The following ARFGEF1 variants were observed in gnomAD, a reference collection of about 807,000 sequenced individuals.
The protein encoded by ARFGEF1 is brefeldin A-inhibited guanine nucleotide-exchange protein 1.
ARFGEF1 carries 42 observed loss-of-function variants against 231.0 expected under a neutral mutation model. The ratio of observed to expected loss-of-function variants is 0.18; its 90% CI spans 0.14 to 0.24. The LOEUF (loss-of-function observed/expected upper bound fraction) is 0.24. ARFGEF1 is among the 10% of genes least tolerant of loss of function. ARFGEF1 has a pLI of 1.00. For missense variants in ARFGEF1, 1,345 were observed against 2,192.0 expected (o/e 0.61, Z 7.72); for synonymous variants, 710 against 732.3 (o/e 0.97, Z 0.49).
chr8:67,292,933 T>C (rs1806073692), intron 5 of ARFGEF1, among the ~76,000 whole-genome samples: 1 of 152,080 alleles, frequency 6.6e-6, no homozygotes, highest in Non-Finnish European at 1.5e-5. Flanking sequence ...CCAGGTTAGG[T>C]GGAAATGCCA....
At chr8:67,222,257 ATGTATGTATGTAT>A (rs1839219568) in intron 29 of ARFGEF1, among the ~76,000 whole-genome samples, 1 of 138,496 alleles carries the variant, frequency 7.2e-6, no homozygotes, top group Non-Finnish European at 1.5e-5. Flanking sequence ...GTATGTATGT[ATGTATGTATGTAT>A]TTTTTTTTTT....
chr8:67,190,985 G>GTT (rs1386173806), intron 5 of ARFGEF1, among the ~76,000 whole-genome samples: 2 of 152,186 alleles, frequency 1.3e-5, no homozygotes, highest in Non-Finnish European at 2.9e-5. Context: ...TGGGGTGGCT[G>GTT]TAAGTAGCTC....
chr8:67,274,002 A>G (rs1248793330), intron 9 of ARFGEF1, among the ~76,000 whole-genome samples: 6 of 152,200 alleles, frequency 3.9e-5, no homozygotes, highest in Non-Finnish European at 8.8e-5. Context: ...ATTTAACAAA[A>G]TATCTTGTAC....
intron 33 of ARFGEF1, 67 bp downstream of exon 33, chr8:67,216,523 T>C (rs1236577380): frequency 8.0e-6 from 11 of 1,376,240 alleles, no homozygotes; most frequent in Admixed American, 2.3e-5. Context: ...ATGTAAGAAT[T>C]TGACCCATAA....
In ARFGEF1 at chr8:67,271,695, A is replaced by C; in HGVS notation, c.1572+7T>G. On this transcript the variant is annotated splice_region_variant and intron_variant, in intron 10 of 38. Transcript: ENST00000262215. ...ATAGTAACATTATGCCTAAATGCAA[A>C]ACGTACCTCAATTTGCATCTTCAGA... The C allele has an allele frequency of 3.8e-6, 6 of 1,588,974 alleles. No homozygotes were observed. The highest frequency in any genetic ancestry group is 4.3e-6 in the Non-Finnish European group (5 of 1,160,622).
chr8:67,301,232 A>C lies in ARFGEF1; in HGVS notation c.304T>G (p.Cys102Gly). 6.2e-7 allele frequency: 1 copy of C among 1,604,876 alleles called. No homozygotes were observed. The highest frequency in any genetic ancestry group is 8.5e-7 in the Non-Finnish European group (1 of 1,177,128). The change falls in exon 3 of 39, where the codon TGC (cysteine) becomes GGC (glycine). Residue 102 changes from cysteine (C) to glycine (G), a missense_variant. By Grantham distance (159) the Cys-to-Gly change is radical (BLOSUM62 -3). This residue lies in a region of ARFGEF1 where 398 missense variants were observed against 463.2 expected (regional missense o/e 0.86). Coordinates refer to ENST00000262215, the MANE Select transcript of ARFGEF1 (RefSeq NM_006421.5). ...TGCCATTTTAGACATACCTGTAAGC[A>C]ATCTAGAGATGTACTAACTATGCGA... ...CPRIVSTSLD[C>G]LQKLIAYGHL...
chr8:67,331,594 T>C (rs1436949812), intron 1 of ARFGEF1, among the ~76,000 whole-genome samples: 1 of 152,188 alleles, frequency 6.6e-6, no homozygotes, highest in Non-Finnish European at 1.5e-5. Flanking sequence ...TCTGTTATAG[T>C]AGCTTAAACA....
In ARFGEF1 at chr8:67,259,887, T is replaced by C; in HGVS notation, c.2163A>G (p.Gln721=). Residue 721 remains glutamine, a synonymous_variant, in exon 15 of 39, where the codon CAA becomes CAG. Coordinates refer to ENST00000262215, the MANE Select transcript of ARFGEF1 (RefSeq NM_006421.5). ...KKPKRGIQYL[Q]EQGMLGTTPE... is the part of the protein sequence containing the mutation. ...GTGTGGTGCCAAGCATCCCTTGTTC[T>C]TGGAGGTACTGTATTCCTCTCTTTG... 1 of 1,612,822 alleles carries C rather than the reference T, an allele frequency of 6.2e-7. No homozygotes were observed. The highest frequency in any genetic ancestry group is 8.5e-7 in the Non-Finnish European group (1 of 1,179,244).
At chr8:67,271,155 C>T (rs1805082435) in intron 10 of ARFGEF1, among the ~76,000 whole-genome samples, 1 of 150,376 alleles carries the variant, frequency 6.6e-6, no homozygotes, top group South Asian at 2.1e-4. Flanking sequence ...TTTAGGACCA[C>T]ATGATTGCTA....
At chr8:67,311,266 C>T (rs1415321018) in intron 1 of ARFGEF1, among the ~76,000 whole-genome samples, 65 of 134,944 alleles carry the variant, frequency 4.8e-4, no homozygotes, top group African/African-American at 1.6e-3. Context: ...CCCGGCCAGC[C>T]GCCCCGTCCG....
At chr8:67,240,845 T>C (rs1336211937) in intron 19 of ARFGEF1, among the ~76,000 whole-genome samples, 3 of 152,218 alleles carry the variant, frequency 2.0e-5, no homozygotes, top group South Asian at 2.1e-4. Flanking sequence ...TTCCTCATTA[T>C]ACACTGTGGA....
In ARFGEF1 at chr8:67,222,190, T is replaced by TATATATACACAC. The variant is rs1554636815; in HGVS notation, c.4209-2631_4209-2630insGTGTGTATATAT. On this transcript the variant is annotated intron_variant, in intron 29 of 38. Coordinates refer to ENST00000262215, the MANE Select transcript of ARFGEF1 (RefSeq NM_006421.5). ...ATATATATATATATACACATATATA[T>TATATATACACAC]ATATATATATATATACACACACATA... Among the ~76,000 whole-genome samples the TATATATACACAC allele has an allele frequency of 3.6e-4, 48 of 134,930 alleles. 1 individual carries two copies. Among genetic ancestry groups the TATATATACACAC allele is most frequent in the Non-Finnish European group, 7.6e-5 (5 of 65,716 alleles). The allele number at this position is 134,930 out of a possible 152,430, so 88.5% of individuals were successfully genotyped here.
chr8:67,212,053 C>T (rs1006690553), intron 33 of ARFGEF1, among the ~76,000 whole-genome samples: 8 of 149,232 alleles, frequency 5.4e-5, no homozygotes, highest in African/African-American at 2.0e-4. Flanking sequence ...GTCCAACAGA[C>T]CTACACAAGA....
chr8:67,340,656 T>G (rs949989901), intron 1 of ARFGEF1, among the ~76,000 whole-genome samples: 11 of 152,212 alleles, frequency 7.2e-5, no homozygotes, highest in African/African-American at 2.4e-4. Flanking sequence ...TTAGCTACCA[T>G]GAGATTACTG....
intron 19 of ARFGEF1, among the ~76,000 whole-genome samples, chr8:67,245,552 T>C (rs547998848): frequency 6.6e-6 from 1 of 150,400 alleles, no homozygotes; most frequent in African/African-American, 2.5e-5. Flanking sequence ...GGTTATAAGA[T>C]AGTACTTGCA....
chr8:67,341,279 T>C (rs1294715017), intron 1 of ARFGEF1, among the ~76,000 whole-genome samples: 1 of 152,064 alleles, frequency 6.6e-6, no homozygotes, highest in Non-Finnish European at 1.5e-5. Flanking sequence ...TGTTGTAACA[T>C]GAAAAATCTG....
At chr8:67,277,142 A>C (rs985794567) in intron 8 of ARFGEF1, 140 bp downstream of exon 8, 142 of 847,918 alleles carry the variant, frequency 1.7e-4, no homozygotes, top group Middle Eastern at 4.8e-4. Context: ...AGGAAAAAAA[A>C]CCCCAAGTTT....
chr8:67,175,245 C>A, downstream of ARFGEF1: 2 of 1,407,098 alleles, frequency 1.4e-6, no homozygotes, highest in Non-Finnish European at 2.0e-6. Context: ...TTACAAAATC[C>A]CATTTGAAAA....
At chr8:67,247,535 C>T (rs79942906) in intron 19 of ARFGEF1, among the ~76,000 whole-genome samples, 4,311 of 150,178 alleles carry the variant, frequency 0.029, 201 homozygotes, top group Middle Eastern at 0.058. Context: ...TAAAAACTCT[C>T]AAAGAAGTAG....
Sources: allele counts gnomAD v4.1 joint callset (sites outside exome capture counted in the v4.1 genomes callset), GRCh38; gene constraint gnomAD v4.1.1; regional missense constraint gnomAD v4.1.1; transcripts MANE v1.5; gene names NCBI Gene and HGNC (gene_info 2026-07-23, HGNC 2026-07-21).